BMX: variants seen among roughly 807,000 people sequenced by gnomAD.
BMX encodes the protein cytoplasmic tyrosine-protein kinase BMX.
BMX carries 31 observed loss-of-function variants against 59.2 expected under a neutral mutation model. The observed-to-expected ratio is 0.52, with a 90% CI of 0.39 to 0.71. The LOEUF (loss-of-function observed/expected upper bound fraction) is 0.71. Ranked by LOEUF, BMX falls within the 30% of genes least tolerant of loss-of-function variation. BMX has a pLI of 0.00. For synonymous variants in BMX, 185 were observed against 181.0 expected (o/e 1.02, Z -0.18); for missense variants, 474 against 491.7 (o/e 0.96, Z 0.34).
intron 4 of BMX, among the ~76,000 whole-genome samples, chrX:15,513,847 G>T (rs774278454): frequency 3.5e-4 from 39 of 111,880 alleles, no homozygotes; most frequent in Non-Finnish European, 7.3e-4. Flanking sequence ...AGCTTGTGAA[G>T]TTGAGCAATT....
intron 4 of BMX, among the ~76,000 whole-genome samples, chrX:15,514,654 A>G (rs1027792706): frequency 3.6e-5 from 4 of 112,266 alleles, no homozygotes; most frequent in Non-Finnish European, 7.5e-5. Flanking sequence ...TTGTATTTCA[A>G]AAGAGGCTAA....
chrX:15,513,252 C>T (rs748329303), intron 4 of BMX, among the ~76,000 whole-genome samples: 1 of 112,502 alleles, frequency 8.9e-6, no homozygotes, highest in Non-Finnish European at 1.9e-5. Context: ...TCCTAGCTTT[C>T]TGCTCTGTTA....
At chrX:15,502,827 G>A (rs935612498) in intron 1 of BMX, among the ~76,000 whole-genome samples, 3 of 111,362 alleles carry the variant, frequency 2.7e-5, no homozygotes, top group African/African-American at 9.8e-5. Context: ...GAAGATAAGC[G>A]GGCCTGGCAT....
chrX:15,511,390 A>G (rs767655164), intron 3 of BMX, 47 bp from the exon 4 acceptor site: 3 of 1,068,623 alleles, frequency 2.8e-6, no homozygotes, highest in Non-Finnish European at 2.5e-6. Flanking sequence ...ACCAAAGTGA[A>G]GTATGGTGCA....
chrX:15,538,277 G>A (rs1925477584), intron 14 of BMX, among the ~76,000 whole-genome samples: 1 of 109,023 alleles, frequency 9.2e-6, no homozygotes, highest in African/African-American at 3.3e-5. Context: ...TAGTAAATCA[G>A]ACTTTGTAGA....
intron 14 of BMX, among the ~76,000 whole-genome samples, chrX:15,541,314 A>C (rs1327387316): frequency 9.0e-6 from 1 of 110,893 alleles, no homozygotes; most frequent in Non-Finnish European, 1.9e-5. Flanking sequence ...TCATTTTAAA[A>C]AGGGTGCTGG....
intron 13 of BMX, 102 bp from the exon 14 acceptor site, chrX:15,537,032 T>C (rs1925393401): frequency 4.6e-6 from 4 of 863,918 alleles, no homozygotes; most frequent in South Asian, 2.3e-5. Context: ...CTTGTTTATA[T>C]TGTCACTGTG....
intron 18 of BMX, 120 bp from the exon 19 acceptor site, chrX:15,555,951 TTG>T: frequency 1.6e-6 from 1 of 639,426 alleles, no homozygotes; most frequent in Non-Finnish European, 2.4e-6. Flanking sequence ...GAAATGTCTG[TTG>T]TGTTTCCACA....
At chrX:15,531,744 G>GA (rs1303316886) in intron 11 of BMX, among the ~76,000 whole-genome samples, 5 of 110,803 alleles carry the variant, frequency 4.5e-5, no homozygotes, top group African/African-American at 9.8e-5. Flanking sequence ...AGCCTGGAAA[G>GA]AAAAAAAATA....
intron 9 of BMX, among the ~76,000 whole-genome samples, chrX:15,528,742 G>C (rs1924921693): frequency 8.9e-6 from 1 of 112,028 alleles, no homozygotes; most frequent in African/African-American, 3.2e-5. Flanking sequence ...AAAACAATAA[G>C]AGGCAGGCCT....
intron 11 of BMX, among the ~76,000 whole-genome samples, chrX:15,533,265 T>A (rs1925169542): frequency 8.9e-6 from 1 of 112,106 alleles, no homozygotes; most frequent in African/African-American, 3.2e-5. Flanking sequence ...GTCATGTGGC[T>A]TTCTTGTAGA....
At chrX:15,527,247 A>AATATATATATAT (rs34046926) in intron 9 of BMX, among the ~76,000 whole-genome samples, 4 of 56,354 alleles carry the variant, frequency 7.1e-5, no homozygotes, top group Non-Finnish European at 1.2e-4. Context: ...CACACACACA[A>AATATATATATAT]ATATATATAT....
At chrX:15,536,979 C>T (rs1925389388) in intron 13 of BMX, among the ~76,000 whole-genome samples, 155 bp from the exon 14 acceptor site, 2 of 110,252 alleles carry the variant, frequency 1.8e-5, no homozygotes, top group Non-Finnish European at 3.8e-5. Flanking sequence ...GACCACATCA[C>T]TAAGGGTTTT....
Position 15,525,962 on chromosome X carries a change from G to T in BMX, c.831-80G>T, listed in dbSNP as rs1924701602. On this transcript the variant is annotated intron_variant, in intron 8 of 18. Coordinates refer to ENST00000348343, the MANE Select transcript of BMX (RefSeq NM_203281.3). ...ATTTAGGTGGATAAAATCAGGGTGG[G>T]ATTTGATATTGCATGGCTACGCACT... 5.9e-6 allele frequency: 5 copies of T among 842,370 alleles called. 1 individual carries two copies. The East Asian group carries it at 1.3e-4, about 22-fold the overall frequency. The allele number at this position is 842,370 out of a possible 1,213,427, so 69.4% of individuals were successfully genotyped here.
intron 5 of BMX, among the ~76,000 whole-genome samples, chrX:15,517,053 A>G (rs919370803): frequency 1.3e-4 from 15 of 111,908 alleles, no homozygotes; most frequent in African/African-American, 4.9e-4. Context: ...GAAAAGATAC[A>G]GGCACATAAA....
At chrX:15,517,850 T>C in intron 5 of BMX, 79 bp from the exon 6 acceptor site, 1 of 878,375 alleles carries the variant, frequency 1.1e-6, no homozygotes, top group Non-Finnish European at 1.7e-6. Context: ...GCTGGTTCAT[T>C]CTTTTAATTC....
In BMX at chrX:15,552,849, C is replaced by A. The variant is rs1411538780; in HGVS notation, c.1953+2852C>A. 6.2e-5 allele frequency among the ~76,000 whole-genome samples: 7 copies of A among 112,393 alleles called. No homozygotes were observed. In the South Asian group the frequency reaches 2.6e-3, roughly 41 times the overall value. On this transcript the variant is annotated intron_variant, in intron 18 of 18. Coordinates refer to ENST00000348343, the MANE Select transcript of BMX (RefSeq NM_203281.3). ...GTATTTTGTTTTCTCACAGCCACCA[C>A]AAGACTGAACAAAATATTTTCTGTT...
At chrX:15,518,244 C>CAA (rs373399805) in intron 6 of BMX, among the ~76,000 whole-genome samples, 14 of 86,572 alleles carry the variant, frequency 1.6e-4, no homozygotes, top group Non-Finnish European at 3.1e-4. Flanking sequence ...AAATAGTCAC[C>CAA]AAAAAAAAAA....
intron 18 of BMX, among the ~76,000 whole-genome samples, chrX:15,552,638 A>G (rs1251908020): frequency 8.9e-6 from 1 of 112,183 alleles, no homozygotes; most frequent in Non-Finnish European, 1.9e-5. Flanking sequence ...CTTTGTAATC[A>G]TAACACCATG....
Sources: allele counts gnomAD v4.1 joint callset (sites outside exome capture counted in the v4.1 genomes callset), GRCh38; gene constraint gnomAD v4.1.1; transcripts MANE v1.5; gene names NCBI Gene and HGNC (gene_info 2026-07-23, HGNC 2026-07-21).